The following PREB variants were observed in gnomAD, a reference collection of about 807,000 sequenced individuals.
The protein encoded by PREB is prolactin regulatory element binding, also known as guanine nucleotide-exchange factor SEC12.
PREB carries 29 observed loss-of-function variants against 46.7 expected under a neutral mutation model. The ratio of observed to expected loss-of-function variants is 0.62; its 90% confidence interval spans 0.46 to 0.85. The LOEUF is 0.85. PREB is among the 40% of genes least tolerant of loss of function. The probability of loss-of-function intolerance (pLI) is 0.00; values close to 1 mark genes in which losing one functional copy is unlikely to be tolerated. For synonymous variants in PREB, 224 were observed against 220.1 expected (o/e 1.02, Z -0.16); for missense variants, 494 against 528.4 (o/e 0.93, Z 0.64).
chr2:27,133,422 T>A, intron 2 of PREB, 85 bp from the exon 3 acceptor site: 1 of 1,596,396 alleles, frequency 6.3e-7, no homozygotes, highest in South Asian at 1.1e-5. Flanking sequence ...CCCATACAAC[T>A]TCTAGCTTGC....
At position 27,133,560 on chromosome 2, in the gene PREB, T is replaced by C; in HGVS notation, c.297A>G (p.Gln99=). ...HCQLLRFQAH[Q]QQGNKAEKAG... is the part of the protein sequence containing the mutation. ...CCTTCTCTGCCTTGTTGCCCTGCTGTTGATGTGCCTGGAAGCGCAGGAGCT... is the reference window on the plus strand; with the variant it reads ...CCTTCTCTGCCTTGTTGCCCTGCTGCTGATGTGCCTGGAAGCGCAGGAGCT... Residue 99 remains glutamine (Q), a synonymous_variant, in exon 2 of 9, where the codon CAA becomes CAG. Transcript: ENST00000260643. The C allele has an allele frequency of 6.2e-7, 1 of 1,613,924 alleles. No individual in the cohort carries two copies. The highest frequency in any genetic ancestry group is 1.1e-5 in the South Asian group (1 of 91,064).
In PREB at chr2:27,134,380, G is replaced by A. The variant is rs374727853; in HGVS notation, c.42C>T (p.Phe14=). ...RRAPELYRAP[F]PLYALQVDPS... The stretch of plus-strand genomic sequence containing the variant: ...GGTCGACCTGAAGCGCGTACAACGG[G>A]AACGGAGCCCGGTACAGCTCTGGCG... Residue 14 remains phenylalanine, a synonymous_variant, in exon 1 of 9, where the codon TTC becomes TTT. Transcript: ENST00000260643. The A allele has an allele frequency of 4.3e-5, 69 of 1,610,098 alleles. No homozygotes were observed. Among genetic ancestry groups the A allele is most frequent in the Non-Finnish European group, 5.9e-5 (69 of 1,179,184 alleles).
At position 27,130,789 on chromosome 2, in the gene PREB, TAAATATCA is replaced by T; in HGVS notation, c.*617_*624del. ...CTCAGTTCACTCTTTCCTTGTTTAT[TAAATATCA>T]ACTTTTCCTGCCTAATGGGCTGAGG... is the stretch of plus-strand genomic sequence containing the variant. On this transcript the variant is annotated 3_prime_UTR_variant, in exon 9 of 9. Coordinates refer to ENST00000260643, the MANE Select transcript of PREB (RefSeq NM_013388.6). 2 of 1,589,198 alleles carry T rather than the reference TAAATATCA, an allele frequency of 1.3e-6. No homozygotes were observed. Among genetic ancestry groups the T allele is most frequent in the Non-Finnish European group, 1.7e-6 (2 of 1,158,878 alleles).
chr2:27,131,702 G>A lies in PREB; in HGVS notation c.1129C>T (p.Arg377Cys), dbSNP rs751119589. ...TALFSVAVDS[R>C]CQLHLLPSRR... Reference sequence around the variant, plus strand: ...GAGGGCAACAGATGCAGCTGGCAACGACTGTCCACAGCCACAGAGAACAGG... The same window carrying A: ...GAGGGCAACAGATGCAGCTGGCAACAACTGTCCACAGCCACAGAGAACAGG... Residue 377 changes from arginine to cysteine, a missense_variant, in exon 8 of 9, where the codon CGT (arginine) becomes TGT (cysteine). By Grantham distance (180) the Arg-to-Cys change is radical. Coordinates refer to ENST00000260643, the MANE Select transcript of PREB (RefSeq NM_013388.6). 10 of 1,614,134 alleles carry A rather than the reference G, an allele frequency of 6.2e-6. No individual in the cohort carries two copies. Among genetic ancestry groups the A allele is most frequent in the African/African-American group, 1.3e-5 (1 of 75,036 alleles).
Position 27,133,544 on chromosome 2 carries a change from C to T in PREB, c.313G>A (p.Ala105Thr), listed in dbSNP as rs146155898. Reference protein sequence around the residue: ...FQAHQQQGNKAEKAGSKEQGP... With the variant: ...FQAHQQQGNKTEKAGSKEQGP... Reference sequence around the variant, plus strand: ...GGGAGCTCCTCACCGGCCTTCTCTGCCTTGTTGCCCTGCTGTTGATGTGCC... The same window carrying T: ...GGGAGCTCCTCACCGGCCTTCTCTGTCTTGTTGCCCTGCTGTTGATGTGCC... Residue 105 changes from alanine (A) to threonine (T), a missense_variant, in exon 2 of 9, where the codon GCA becomes ACA. Transcript: ENST00000260643. 1,382 of 1,613,692 alleles carry T rather than the reference C, an allele frequency of 8.6e-4. 14 individuals are homozygous for T. In the African/African-American group the frequency reaches 0.017, roughly 20 times the overall value.
rs1013130335 is a variant in PREB, at chr2:27,130,912, C to G, written c.*502G>C. 7 of 748,994 alleles carry G rather than the reference C, an allele frequency of 9.3e-6. No individual in the cohort carries two copies. The African/African-American group carries it at 1.2e-4, about 13-fold the overall frequency. 46.4% of individuals were successfully genotyped at this position (748,994 alleles called of 1,614,324 possible). A position where few individuals can be genotyped will look rare whatever the true frequency, so the allele number is the denominator to read the frequency against. Reference sequence around the variant, plus strand: ...CTGGCTTAGTGCTACCCATCTGAACCCCCAGATTACTACCCAAGTCTTCCT... The same window carrying G: ...CTGGCTTAGTGCTACCCATCTGAACGCCCAGATTACTACCCAAGTCTTCCT... On this transcript the variant is annotated 3_prime_UTR_variant, in exon 9 of 9. Transcript: ENST00000260643.
At position 27,133,003 on chromosome 2, in the gene PREB, TG is replaced by T. The variant is rs1185032406; in HGVS notation, c.547-81del. The T allele has an allele frequency of 1.6e-5, 25 of 1,578,856 alleles. No homozygotes were observed. In the East Asian group the frequency reaches 5.4e-4, roughly 34 times the overall value. On this transcript the variant is annotated intron_variant, in intron 3 of 8. Transcript: ENST00000260643. Reference sequence around the variant, plus strand: ...CTGATGCCCACGCCACCCCTTCTAATGGCCCCTCAATGCAAGCTTCATTCAC... The same window carrying T: ...CTGATGCCCACGCCACCCCTTCTAATGCCCCTCAATGCAAGCTTCATTCAC...
chr2:27,131,574 T>A, intron 8 of PREB, 66 bp from the exon 9 acceptor site: 1 of 1,596,804 alleles, frequency 6.3e-7, no homozygotes, highest in South Asian at 1.1e-5. Context: ...CCAGAACCCT[T>A]CAAAGGAGGA....
chr2:27,134,607 C>T lies in PREB; in HGVS notation c.-186G>A. ...CAGGAAGCCGAGCCTCAGCTCGGCT[C>T]CGTCCAAGTCGGTCTCGCAGACGCG... On this transcript the variant is annotated 5_prime_UTR_variant, in exon 1 of 9. Coordinates refer to ENST00000260643, the MANE Select transcript of PREB (RefSeq NM_013388.6). The T allele has an allele frequency of 7.6e-7, 1 of 1,315,472 alleles. No homozygotes were observed. The highest frequency in any genetic ancestry group is 9.6e-7 in the Non-Finnish European group (1 of 1,036,790). 81.5% of individuals were successfully genotyped at this position (1,315,472 alleles called of 1,614,324 possible).
rs1337417687 is a variant in PREB, at chr2:27,134,545, T to C, written c.-124A>G. 5 of 1,362,110 alleles carry C rather than the reference T, an allele frequency of 3.7e-6. No homozygotes were observed. Among genetic ancestry groups the C allele is most frequent in the African/African-American group, 1.5e-5 (1 of 64,632 alleles). The allele number at this position is 1,362,110 out of a possible 1,614,324, so 84.4% of individuals were successfully genotyped here. On this transcript the variant is annotated 5_prime_UTR_variant, in exon 1 of 9. Coordinates refer to ENST00000260643, the MANE Select transcript of PREB (RefSeq NM_013388.6). ...CGCCGCCGGGAGCACTCCCTACCCC[T>C]CTCACACCGGGGAGTTGCCAAAACC...
chr2:27,133,461 C>T, intron 2 of PREB, 71 bp downstream of exon 2: 1 of 1,594,758 alleles, frequency 6.3e-7, no homozygotes, highest in Non-Finnish European at 8.6e-7. Flanking sequence ...AGACCCACTT[C>T]TTTAGAGACA....
rs1406490035 is a variant in PREB, at chr2:27,132,017, G to A, written c.992C>T (p.Ser331Phe). 3.7e-6 allele frequency: 6 copies of A among 1,614,024 alleles called. No individual in the cohort carries two copies. Among genetic ancestry groups the A allele is most frequent in the South Asian group, 1.1e-5 (1 of 91,072 alleles). ...TGSVAIYIAF[S>F]LQCLYYVREA... is the part of the protein sequence containing the mutation. Reference sequence around the variant, plus strand: ...CCAACCTCCACCCATTACCTGGAGAGAGAAAGCTATGTAGATGGCAACAGA... The same window carrying A: ...CCAACCTCCACCCATTACCTGGAGAAAGAAAGCTATGTAGATGGCAACAGA... The change falls in exon 7 of 9, where the codon TCT becomes TTT. Residue 331 changes from serine (S) to phenylalanine (F), a missense_variant. Transcript: ENST00000260643. The surrounding 1 kb of genome is among the most constrained non-coding windows in gnomAD (Gnocchi z 4.0).
chr2:27,131,626 C>A, intron 8 of PREB, 46 bp downstream of exon 8: 1 of 1,606,672 alleles, frequency 6.2e-7, no homozygotes, highest in South Asian at 1.1e-5. Context: ...CGTTTCTGGT[C>A]ATTAAACGTG....
Position 27,134,614 on chromosome 2 carries a change from A to G in PREB, c.-193T>C, listed in dbSNP as rs1049764373. On this transcript the variant is annotated 5_prime_UTR_variant, in exon 1 of 9. Transcript: ENST00000260643. ...CCGAGCCTCAGCTCGGCTCCGTCCA[A>G]GTCGGTCTCGCAGACGCGCACTGCG... 9 of 1,308,302 alleles carry G rather than the reference A, an allele frequency of 6.9e-6. No individual in the cohort carries two copies. Among genetic ancestry groups the G allele is most frequent in the Non-Finnish European group, 8.7e-6 (9 of 1,032,452 alleles). 81.0% of individuals were successfully genotyped at this position (1,308,302 alleles called of 1,614,324 possible).
In PREB at chr2:27,134,592, A is replaced by G. The variant is rs1160216091; in HGVS notation, c.-171T>C. Reference sequence around the variant, plus strand: ...AACCCTGACCATCAGCAGGAAGCCGAGCCTCAGCTCGGCTCCGTCCAAGTC... The same window carrying G: ...AACCCTGACCATCAGCAGGAAGCCGGGCCTCAGCTCGGCTCCGTCCAAGTC... On this transcript the variant is annotated 5_prime_UTR_variant, in exon 1 of 9. Coordinates refer to ENST00000260643, the MANE Select transcript of PREB (RefSeq NM_013388.6). 27 of 1,341,304 alleles carry G rather than the reference A, an allele frequency of 2.0e-5. No homozygotes were observed. Among genetic ancestry groups the G allele is most frequent in the Non-Finnish European group, 2.5e-5 (26 of 1,052,160 alleles). The allele number at this position is 1,341,304 out of a possible 1,614,324, so 83.1% of individuals were successfully genotyped here.
At chr2:27,134,017 AT>A (rs923453070) in intron 1 of PREB, 1 of 613,388 alleles carries the variant, frequency 1.6e-6, no homozygotes, top group African/African-American at 1.9e-5. Flanking sequence ...AAAGGCCAGT[AT>A]AAGACCCCTG....
chr2:27,131,937 T>A, intron 7 of PREB, 73 bp downstream of exon 7: 1 of 1,592,656 alleles, frequency 6.3e-7, no homozygotes. Context: ...TGGGCCAGAC[T>A]CCTTCCTGCA....
rs1441476814 is a variant in PREB, at chr2:27,133,322, C to T, written c.341G>A (p.Gly114Glu). Residue 114 changes from glycine to glutamate, a missense_variant, in exon 3 of 9, where the codon GGG (glycine) becomes GAG (glutamate). Gly to Glu is a moderately conservative substitution (Grantham distance 98, BLOSUM62 -2). Transcript: ENST00000260643. ...GGCTGCTCCCTTCCTTTGTCGAGGCCCCTGCTCCTTGGAACCTGTAACACA... is the reference window on the plus strand; with the variant it reads ...GGCTGCTCCCTTCCTTTGTCGAGGCTCCTGCTCCTTGGAACCTGTAACACA... Reference protein sequence around the residue: ...KAEKAGSKEQGPRQRKGAAPA... With the variant: ...KAEKAGSKEQEPRQRKGAAPA... 7 of 1,614,142 alleles carry T rather than the reference C, an allele frequency of 4.3e-6. No individual in the cohort carries two copies. Among genetic ancestry groups the T allele is most frequent in the Non-Finnish European group, 5.1e-6 (6 of 1,180,040 alleles).
At chr2:27,131,961 G>A in intron 7 of PREB, 49 bp downstream of exon 7, 1 of 1,598,292 alleles carries the variant, frequency 6.3e-7, no homozygotes, top group Non-Finnish European at 8.6e-7. Context: ...TCAGGGTAGA[G>A]ACAGGCCTAC....
Sources: allele counts gnomAD v4.1 joint callset, GRCh38; gene constraint gnomAD v4.1.1; non-coding constraint Gnocchi (gnomAD v3.1); transcripts MANE v1.5; gene names NCBI Gene and HGNC (gene_info 2026-07-23, HGNC 2026-07-21).